SEMA3D: variants seen among roughly 807,000 people sequenced by gnomAD.
SEMA3D encodes semaphorin 3D.
SEMA3D carries 84 observed loss-of-function variants against 100.1 expected under a neutral mutation model. That is an observed-to-expected ratio of 0.84 (90% CI 0.70 to 1.01). SEMA3D has a LOEUF of 1.01. Among genes scored for constraint, SEMA3D ranks in the 50% least tolerant of loss-of-function variants. SEMA3D has a pLI of 0.00. For missense variants in SEMA3D, 875 were observed against 934.1 expected, an observed-to-expected ratio of 0.94 and a Z score of 0.82; for synonymous variants, 312 against 320.7, an observed-to-expected ratio of 0.97 and a Z score of 0.29.
the SEMA3D span, among the ~76,000 whole-genome samples, chr7:85,242,985 ATAT>A: frequency 2.6e-5 from 4 of 152,190 alleles, no homozygotes; most frequent in African/African-American, 9.6e-5. Context: ...GGGAGAGAAA[ATAT>A]TATATAGTTT....
chr7:85,043,730 C>T (rs1224627007), intron 9 of SEMA3D, among the ~76,000 whole-genome samples: 1 of 152,060 alleles, frequency 6.6e-6, no homozygotes, highest in African/African-American at 2.4e-5. Flanking sequence ...CTCACGAGAT[C>T]TGATGGTTTT....
At chr7:85,141,397 A>G in intron 2 of SEMA3D, 1 of 984,576 alleles carries the variant, frequency 1.0e-6, no homozygotes, top group Non-Finnish European at 1.2e-6. Flanking sequence ...ATCCAGAGAA[A>G]ATTAATCATT....
chr7:85,206,177 C>T, the SEMA3D span, among the ~76,000 whole-genome samples: 1 of 152,088 alleles, frequency 6.6e-6, no homozygotes, highest in South Asian at 2.1e-4. Context: ...ATGTAATAAA[C>T]TTTCTCCTCA....
In SEMA3D at chr7:85,040,954, T is replaced by C. The variant is rs1790844071; in HGVS notation, c.977-212A>G. On this transcript the variant is annotated intron_variant, in intron 10 of 18. Transcript: ENST00000284136. The stretch of plus-strand genomic sequence containing the variant: ...TGATAATCTCCAAGGTAGTTTCCAA[T>C]TGGAAATCTGATTTCATAGAAAATA... 6 of 321,310 alleles carry C rather than the reference T, an allele frequency of 1.9e-5. No individual in the cohort carries two copies. In the East Asian group the frequency reaches 3.1e-4, roughly 16 times the overall value. The allele number at this position is 321,310 out of a possible 1,614,324, so 19.9% of individuals were successfully genotyped here.
At chr7:85,018,867 G>A (rs1331003484) in intron 14 of SEMA3D, among the ~76,000 whole-genome samples, 1 of 151,550 alleles carries the variant, frequency 6.6e-6, no homozygotes, top group East Asian at 2.0e-4. Context: ...TCAGAAACAT[G>A]AACACAAAAG....
At chr7:85,145,658 C>A (rs1790182319) in intron 2 of SEMA3D, among the ~76,000 whole-genome samples, 1 of 152,010 alleles carries the variant, frequency 6.6e-6, no homozygotes, top group Non-Finnish European at 1.5e-5. Flanking sequence ...AAAGAAGGAT[C>A]TTTATTGCAG....
intron 3 of SEMA3D, among the ~76,000 whole-genome samples, chr7:85,121,335 A>G (rs941157100): frequency 1.3e-5 from 2 of 152,184 alleles, no homozygotes; most frequent in African/African-American, 4.8e-5. Context: ...TATATAGTTG[A>G]GAACTTGAAG....
chr7:85,236,283 T>TAA, the SEMA3D span, among the ~76,000 whole-genome samples: 19 of 106,796 alleles, frequency 1.8e-4, no homozygotes, highest in Non-Finnish European at 3.7e-4. Context: ...TTATTTTATT[T>TAA]TATTTATTTA....
At chr7:85,138,473 C>A (rs1047308574) in intron 2 of SEMA3D, among the ~76,000 whole-genome samples, 3 of 151,122 alleles carry the variant, frequency 2.0e-5, no homozygotes, top group African/African-American at 7.3e-5. Flanking sequence ...GTACTTTAAG[C>A]TTTTTTTCTT....
chr7:85,123,890 C>T (rs772918813), intron 2 of SEMA3D, among the ~76,000 whole-genome samples: 5 of 151,926 alleles, frequency 3.3e-5, no homozygotes, highest in Non-Finnish European at 7.4e-5. Flanking sequence ...ATTTAATTGA[C>T]ATTTCCTGAA....
chr7:85,172,882 T>C (rs1791122509), intron 1 of SEMA3D, among the ~76,000 whole-genome samples: 1 of 152,036 alleles, frequency 6.6e-6, no homozygotes, highest in Non-Finnish European at 1.5e-5. Flanking sequence ...GGTCATTTTG[T>C]TTCCCCTCAC....
chr7:85,159,346 AAC>A (rs1790682371), intron 1 of SEMA3D, among the ~76,000 whole-genome samples: 2 of 152,304 alleles, frequency 1.3e-5, no homozygotes, highest in South Asian at 4.1e-4. Flanking sequence ...ACCCCTTTTT[AAC>A]AGTCATTGAC....
At chr7:85,110,522 TTA>T (rs1246484708) in intron 3 of SEMA3D, among the ~76,000 whole-genome samples, 2 of 152,090 alleles carry the variant, frequency 1.3e-5, no homozygotes, top group East Asian at 3.9e-4. Flanking sequence ...GAAAACTTTT[TTA>T]TGTTTAACCT....
At chr7:85,107,016 C>G (rs1489117279) in intron 3 of SEMA3D, among the ~76,000 whole-genome samples, 1 of 151,938 alleles carries the variant, frequency 6.6e-6, no homozygotes. Flanking sequence ...TTTGTATTTC[C>G]AAGACTTTGA....
In SEMA3D at chr7:85,181,285, A is replaced by T. The variant is rs562784959; in HGVS notation, c.-173+5393T>A. Among the ~76,000 whole-genome samples, 18 of 151,280 alleles carry T rather than the reference A, an allele frequency of 1.2e-4. No individual in the cohort carries two copies. In the East Asian group the frequency reaches 3.1e-3, roughly 26 times the overall value. The stretch of plus-strand genomic sequence containing the variant: ...GACTGGATCAGGGTGAGCCTACAGC[A>T]TCTTGAAATGACAAAGAATAAAGAC... On this transcript the variant is annotated intron_variant, in intron 1 of 18. Transcript: ENST00000284136.
intron 10 of SEMA3D, chr7:85,041,118 C>A (rs1790850227): frequency 6.2e-6 from 1 of 161,746 alleles, no homozygotes; most frequent in East Asian, 1.9e-4. Context: ...AATGCAGTGG[C>A]ACAATCTCTG....
intron 4 of SEMA3D, among the ~76,000 whole-genome samples, chr7:85,096,523 A>C (rs190016253): frequency 9.7e-4 from 147 of 151,988 alleles, no homozygotes; most frequent in African/African-American, 3.3e-3. Context: ...TCATCCAAAA[A>C]CACAGATTAC....
chr7:85,022,505 C>G lies in SEMA3D; in HGVS notation c.1300G>C (p.Val434Leu), dbSNP rs144869815. The G allele has an allele frequency of 1.2e-5, 19 of 1,612,328 alleles. No individual in the cohort carries two copies. The African/African-American group carries it at 2.5e-4, about 22-fold the overall frequency. The change falls in exon 13 of 19, where the codon GTT becomes CTT. Residue 434 changes from valine (V) to leucine (L), a missense_variant. Physicochemically the swap from Val to Leu is conservative, Grantham distance 32. Coordinates refer to ENST00000284136, the MANE Select transcript of SEMA3D (RefSeq NM_001384900.1). Reference sequence around the variant, plus strand: ...CTCTTGAACGTTGGTCCTCCTGCAACTGGGTATACGGACTTATACATCACA... The same window carrying G: ...CTCTTGAACGTTGGTCCTCCTGCAAGTGGGTATACGGACTTATACATCACA... ...HSVMYKSVYP[V>L]AGGPTFKRIN...
intron 8 of SEMA3D, among the ~76,000 whole-genome samples, chr7:85,059,772 T>C (rs1190482697): frequency 6.6e-6 from 1 of 151,934 alleles, no homozygotes; most frequent in Non-Finnish European, 1.5e-5. Flanking sequence ...GTTTACAGAG[T>C]TTAATTAAAA....
Sources: allele counts gnomAD v4.1 joint callset (sites outside exome capture counted in the v4.1 genomes callset), GRCh38; gene constraint gnomAD v4.1.1; transcripts MANE v1.5; gene names NCBI Gene and HGNC (gene_info 2026-07-23, HGNC 2026-07-21).